The following CTNNA3 variants were observed in gnomAD, a reference collection of about 807,000 sequenced individuals.
The protein encoded by CTNNA3 is catenin alpha-3.
CTNNA3 carries 76 observed loss-of-function variants against 95.7 expected under a neutral mutation model. The observed-to-expected ratio is 0.79, with a 90% CI of 0.66 to 0.96. The LOEUF is 0.96. CTNNA3 is among the 40% of genes least tolerant of loss of function. The probability of loss-of-function intolerance (pLI) is 0.00; values close to 1 mark genes in which losing one functional copy is unlikely to be tolerated. For synonymous variants in CTNNA3, 431 were observed against 374.4 expected, an observed-to-expected ratio of 1.15 and a Z score of -1.74; for missense variants, 1,191 against 1,089.8, an observed-to-expected ratio of 1.09 and a Z score of -1.31.
intron 9 of CTNNA3, among the ~76,000 whole-genome samples, chr10:66,673,604 T>A (rs1300682465): frequency 6.6e-6 from 1 of 152,054 alleles, no homozygotes; most frequent in Admixed American, 6.6e-5. Flanking sequence ...GAAAATGATA[T>A]ATTTAAGCTT....
At chr10:67,158,193 G>C (rs1014339492) in intron 7 of CTNNA3, among the ~76,000 whole-genome samples, 1 of 152,018 alleles carries the variant, frequency 6.6e-6, no homozygotes, top group Non-Finnish European at 1.5e-5. Flanking sequence ...GCAAACTCCT[G>C]GCTTCCCTGT....
In CTNNA3 at chr10:65,914,315, A is replaced by G. The variant is rs929136925; in HGVS notation, c.*6015T>C. On this transcript the variant is annotated 3_prime_UTR_variant, in exon 18 of 18. Transcript: ENST00000433211. The stretch of plus-strand genomic sequence containing the variant: ...CCCCAATATACACATCCATTGCTCA[A>G]ACTAGGAATGTGTGTATTTCTTATG... 1 of 152,124 alleles carries G rather than the reference A, an allele frequency of 6.6e-6. No individual in the cohort carries two copies. The highest frequency in any genetic ancestry group is 1.5e-5 in the Non-Finnish European group (1 of 68,012). The allele number at this position is 152,124 out of a possible 1,614,324, so 9.4% of individuals were successfully genotyped here. A position where few individuals can be genotyped will look rare whatever the true frequency, so the allele number is the denominator to read the frequency against.
intron 5 of CTNNA3, among the ~76,000 whole-genome samples, chr10:67,295,944 CGGA>C (rs1235566448): frequency 6.6e-6 from 1 of 152,154 alleles, no homozygotes; most frequent in African/African-American, 2.4e-5. Context: ...CCACTACCTA[CGGA>C]TGCTCAGGAT....
intron 5 of CTNNA3, among the ~76,000 whole-genome samples, chr10:67,504,456 A>AAAAAC (rs1839368924): frequency 6.6e-6 from 1 of 150,546 alleles, no homozygotes; most frequent in South Asian, 2.1e-4. Context: ...AAAAAAAAAA[A>AAAAAC]AAAACAGAGT....
chr10:67,074,786 A>T (rs1410132306), intron 7 of CTNNA3, among the ~76,000 whole-genome samples: 1 of 152,154 alleles, frequency 6.6e-6, no homozygotes, highest in East Asian at 1.9e-4. Flanking sequence ...CACAAAATAC[A>T]TTCTTAATAT....
chr10:66,203,649 T>G (rs2087574421), intron 13 of CTNNA3, among the ~76,000 whole-genome samples: 1 of 152,102 alleles, frequency 6.6e-6, no homozygotes, highest in Admixed American at 6.6e-5. Flanking sequence ...ATTTTTTTCT[T>G]TAATAAAGGA....
In CTNNA3 at chr10:67,118,286, G is replaced by T. The variant is rs530974284; in HGVS notation, c.1047+62031C>A. ...TGTGGTTTCCCAAACCACATGCTAG[G>T]ATTATCTGGTGTCTTAGCTGGTGAT... On this transcript the variant is annotated intron_variant, in intron 7 of 17. Transcript: ENST00000433211. Among the ~76,000 whole-genome samples the T allele has an allele frequency of 7.9e-5, 12 of 152,064 alleles. No homozygotes were observed. In the South Asian group the frequency reaches 1.9e-3, roughly 24 times the overall value.
chr10:66,157,332 A>T (rs1238394481), intron 13 of CTNNA3, among the ~76,000 whole-genome samples: 1 of 152,026 alleles, frequency 6.6e-6, no homozygotes, highest in Non-Finnish European at 1.5e-5. Context: ...TTAGAATAAT[A>T]GTCTCCAATT....
intron 13 of CTNNA3, among the ~76,000 whole-genome samples, chr10:66,178,498 C>CAT (rs201109011): frequency 0.36 from 50,883 of 142,538 alleles, 10,269 homozygotes; most frequent in South Asian, 0.55. Flanking sequence ...CACACATACA[C>CAT]ACACCCCTTA....
chr10:67,254,283 G>C (rs1670982171), intron 5 of CTNNA3, among the ~76,000 whole-genome samples: 1 of 151,712 alleles, frequency 6.6e-6, no homozygotes, highest in South Asian at 2.1e-4. Context: ...TTGCAGCTAA[G>C]AAAAGCCCCC....
At chr10:66,481,661 C>T (rs1397078397) in intron 11 of CTNNA3, among the ~76,000 whole-genome samples, 58 of 134,702 alleles carry the variant, frequency 4.3e-4, no homozygotes, top group South Asian at 1.2e-3. Context: ...TTAGTAGAGA[C>T]GGGGTTTCAC....
intron 7 of CTNNA3, among the ~76,000 whole-genome samples, chr10:66,886,148 GA>G (rs920007712): frequency 6.6e-6 from 1 of 152,072 alleles, no homozygotes; most frequent in Non-Finnish European, 1.5e-5. Flanking sequence ...GCAAATGAGA[GA>G]AAAATTAGTA....
At chr10:67,325,219 T>C (rs1376702210) in intron 5 of CTNNA3, among the ~76,000 whole-genome samples, 1 of 152,108 alleles carries the variant, frequency 6.6e-6, no homozygotes, top group African/African-American at 2.4e-5. Context: ...TGCTTTCTCG[T>C]GTCTCAATCT....
At chr10:66,260,525 T>C (rs747701972) in intron 13 of CTNNA3, among the ~76,000 whole-genome samples, 1 of 152,138 alleles carries the variant, frequency 6.6e-6, no homozygotes, top group Non-Finnish European at 1.5e-5. Context: ...CTCCAATTAA[T>C]TTGCCATTTG....
At chr10:66,617,716 T>C (rs961724237) in intron 10 of CTNNA3, among the ~76,000 whole-genome samples, 1 of 152,178 alleles carries the variant, frequency 6.6e-6, no homozygotes, top group African/African-American at 2.4e-5. Context: ...GCCAAGGCAA[T>C]TAGGCAGGAG....
intron 5 of CTNNA3, among the ~76,000 whole-genome samples, chr10:67,400,597 A>G (rs1231363500): frequency 1.3e-5 from 2 of 152,154 alleles, no homozygotes; most frequent in Non-Finnish European, 2.9e-5. Context: ...CATGTGGAAA[A>G]TTTTAAGTGC....
In CTNNA3 at chr10:67,180,455, G is replaced by A; in HGVS notation, c.909C>T (p.Arg303=). 4 of 1,613,882 alleles carry A rather than the reference G, an allele frequency of 2.5e-6. No individual in the cohort carries two copies. The highest frequency in any genetic ancestry group is 3.4e-6 in the Non-Finnish European group (4 of 1,179,876). ...EEEIRPSLEK[R]LEAIISGAAL... Reference sequence around the variant, plus strand: ...CAGCCCCACTGATAATGGCTTCAAGGCGTTTCTCTAGTGATGGTCGTATTT... The same window carrying A: ...CAGCCCCACTGATAATGGCTTCAAGACGTTTCTCTAGTGATGGTCGTATTT... Residue 303 remains arginine, a synonymous_variant, in exon 7 of 18, where the codon CGC becomes CGT. Transcript: ENST00000433211.
intron 3 of CTNNA3, among the ~76,000 whole-genome samples, chr10:67,574,366 T>C (rs1160366881): frequency 6.6e-6 from 1 of 152,124 alleles, no homozygotes; most frequent in Non-Finnish European, 1.5e-5. Flanking sequence ...CTTTCTTCCT[T>C]CCAATGTTTG....
Position 67,305,240 on chromosome 10 carries a change from C to T in CTNNA3, c.580-85370G>A, listed in dbSNP as rs187538380. ...GCAGTGAGCCGAGATCGCGCCACTG[C>T]ACTCCAGCCTGGGTGACAGAGCGAG... On this transcript the variant is annotated intron_variant, in intron 5 of 17. Transcript: ENST00000433211. Among the ~76,000 whole-genome samples, 550 of 152,222 alleles carry T rather than the reference C, an allele frequency of 3.6e-3. 1 individual carries two copies. The highest frequency in any genetic ancestry group is 6.1e-3 in the Non-Finnish European group (416 of 68,016).
Sources: allele counts gnomAD v4.1 joint callset (sites outside exome capture counted in the v4.1 genomes callset), GRCh38; gene constraint gnomAD v4.1.1; transcripts MANE v1.5; gene names NCBI Gene and HGNC (gene_info 2026-07-23, HGNC 2026-07-21).